The following NUDT21 variants were observed in gnomAD, a reference collection of about 807,000 sequenced individuals.
NUDT21 encodes the protein nudix hydrolase 21, also known as cleavage and polyadenylation specificity factor subunit 5.
A neutral mutation model predicts 29.8 loss-of-function variants in NUDT21; 5 were observed. The ratio of observed to expected loss-of-function variants is 0.17; its 90% CI spans 0.09 to 0.35. NUDT21 has a LOEUF of 0.35. Among genes scored for constraint, NUDT21 ranks in the 10% least tolerant of loss-of-function variants. The probability of loss-of-function intolerance (pLI) is 1.00; values close to 1 mark genes in which losing one functional copy is unlikely to be tolerated. For synonymous variants in NUDT21, 113 were observed against 98.5 expected (o/e 1.15, Z -0.87); for missense variants, 76 against 276.0 (o/e 0.28, Z 5.13).
intron 4 of NUDT21, among the ~76,000 whole-genome samples, chr16:56,435,789 A>C (rs1306183509): frequency 9.0e-6 from 1 of 111,538 alleles, no homozygotes; most frequent in Non-Finnish European, 1.8e-5. Flanking sequence ...ATATATGATC[A>C]GTAAGTTAAA....
chr16:56,444,819 A>G (rs572880375), intron 3 of NUDT21, among the ~76,000 whole-genome samples: 1 of 152,260 alleles, frequency 6.6e-6, no homozygotes, highest in Non-Finnish European at 1.5e-5. Flanking sequence ...GACAATCTAG[A>G]TACACAGGTT....
At chr16:56,436,845 ACCTTAT>A (rs1962109299) in intron 4 of NUDT21, among the ~76,000 whole-genome samples, 1 of 105,462 alleles carries the variant, frequency 9.5e-6, no homozygotes, top group Non-Finnish European at 2.0e-5. Flanking sequence ...CAATACACTT[ACCTTAT>A]GTCAAATACC....
chr16:56,432,885 C>G (rs185213617), intron 6 of NUDT21, 152 bp from the exon 7 acceptor site: 69 of 523,042 alleles, frequency 1.3e-4, no homozygotes, highest in African/African-American at 1.3e-3. Context: ...CCACGTTTGG[C>G]ATTTTCTACA....
chr16:56,437,911 C>A (rs1962122066), intron 4 of NUDT21, among the ~76,000 whole-genome samples: 1 of 151,996 alleles, frequency 6.6e-6, no homozygotes, highest in Non-Finnish European at 1.5e-5. Context: ...TCTACACAAA[C>A]CACACACTTC....
At position 56,432,686 on chromosome 16, in the gene NUDT21, C is replaced by A; in HGVS notation, c.*26G>T. The A allele has an allele frequency of 6.2e-7, 1 of 1,607,208 alleles. No individual in the cohort carries two copies. The highest frequency in any genetic ancestry group is 8.5e-7 in the Non-Finnish European group (1 of 1,176,242). ...CTGTGCTCACAGAGACAAGCGGCTTCTTTTACTTCTCCACTGCGCAGGAAT... is the reference window on the plus strand; with the variant it reads ...CTGTGCTCACAGAGACAAGCGGCTTATTTTACTTCTCCACTGCGCAGGAAT... On this transcript the variant is annotated 3_prime_UTR_variant, in exon 7 of 7. Coordinates refer to ENST00000300291, the MANE Select transcript of NUDT21 (RefSeq NM_007006.3).
At chr16:56,438,677 A>T (rs920627264) in intron 4 of NUDT21, among the ~76,000 whole-genome samples, 3 of 152,190 alleles carry the variant, frequency 2.0e-5, no homozygotes, top group Non-Finnish European at 4.4e-5. Flanking sequence ...TACAATTTCT[A>T]GATCTAACTA....
chr16:56,438,408 C>G (rs1177007379), intron 4 of NUDT21, among the ~76,000 whole-genome samples: 1 of 152,126 alleles, frequency 6.6e-6, no homozygotes, highest in East Asian at 1.9e-4. Flanking sequence ...TCTAACAGCC[C>G]AGATGAAACT....
chr16:56,433,698 CTTTTTT>C (rs1228959913), intron 6 of NUDT21, among the ~76,000 whole-genome samples: 1 of 151,568 alleles, frequency 6.6e-6, no homozygotes, highest in African/African-American at 2.4e-5. Context: ...CCTTTTTTTT[CTTTTTT>C]TTAGATGGAG....
chr16:56,442,610 C>T (rs78988620), intron 3 of NUDT21, among the ~76,000 whole-genome samples: 1,967 of 152,194 alleles, frequency 0.013, 38 homozygotes, highest in African/African-American at 0.043. Flanking sequence ...TGATGATATG[C>T]CTTTGCGTGG....
intron 1 of NUDT21, among the ~76,000 whole-genome samples, chr16:56,448,354 C>T (rs1412765771): frequency 6.6e-6 from 1 of 152,238 alleles, no homozygotes; most frequent in Non-Finnish European, 1.5e-5. Flanking sequence ...CTGCATTCCA[C>T]TGACTACTAA....
At chr16:56,434,132 A>C (rs1242697590) in intron 6 of NUDT21, among the ~76,000 whole-genome samples, 199 bp downstream of exon 6, 1 of 152,222 alleles carries the variant, frequency 6.6e-6, no homozygotes, top group Non-Finnish European at 1.5e-5. Context: ...AAATACCAGA[A>C]TGTCATGCCG....
intron 2 of NUDT21, among the ~76,000 whole-genome samples, chr16:56,447,330 G>C (rs148980674): frequency 6.6e-6 from 1 of 152,194 alleles, no homozygotes; most frequent in African/African-American, 2.4e-5. Context: ...TCTAAGTATT[G>C]GAGACTTTTC....
intron 2 of NUDT21, 192 bp downstream of exon 2, chr16:56,447,597 C>T (rs1962233761): frequency 5.2e-6 from 3 of 575,168 alleles, no homozygotes; most frequent in Admixed American, 6.1e-5. Flanking sequence ...CAGAAACATA[C>T]AGATTACTAG....
chr16:56,448,739 A>T (rs1396677494), intron 1 of NUDT21, among the ~76,000 whole-genome samples: 1 of 152,198 alleles, frequency 6.6e-6, no homozygotes, highest in Non-Finnish European at 1.5e-5. Flanking sequence ...TTCTTTAAAG[A>T]TAGTTAAAAA....
At chr16:56,437,575 C>T (rs959306848) in intron 4 of NUDT21, among the ~76,000 whole-genome samples, 1 of 152,166 alleles carries the variant, frequency 6.6e-6, no homozygotes, top group African/African-American at 2.4e-5. Flanking sequence ...GCACTCAAGA[C>T]TCAACATGGA....
intron 1 of NUDT21, among the ~76,000 whole-genome samples, chr16:56,450,146 T>G (rs1413927440): frequency 6.6e-6 from 1 of 152,154 alleles, no homozygotes; most frequent in Admixed American, 6.5e-5. Flanking sequence ...TCCTTGCACT[T>G]GTACCCTGAC....
At chr16:56,432,793 GATAA>G in intron 6 of NUDT21, 60 bp from the exon 7 acceptor site, 4 of 1,275,312 alleles carry the variant, frequency 3.1e-6, no homozygotes, top group South Asian at 1.3e-5. Flanking sequence ...TTCCATATTA[GATAA>G]ATAAATTTAT....
At chr16:56,448,797 A>G (rs1962247017) in intron 1 of NUDT21, among the ~76,000 whole-genome samples, 1 of 152,228 alleles carries the variant, frequency 6.6e-6, no homozygotes, top group Admixed American at 6.5e-5. Context: ...TTACAGCAAG[A>G]AGCCTTTGAG....
In NUDT21 at chr16:56,432,582, A is replaced by G; in HGVS notation, c.*130T>C. 1.8e-6 allele frequency: 1 copy of G among 565,704 alleles called. No homozygotes were observed. Among genetic ancestry groups the G allele is most frequent in the East Asian group, 2.8e-5 (1 of 35,470 alleles). 35.0% of individuals were successfully genotyped at this position (565,704 alleles called of 1,614,324 possible). ...ATTAATTTTACTATTCAAACAATAG[A>G]AAGGTGGCAATTTAGGGATCGCAAA... On this transcript the variant is annotated 3_prime_UTR_variant, in exon 7 of 7. Coordinates refer to ENST00000300291, the MANE Select transcript of NUDT21 (RefSeq NM_007006.3).
Sources: gnomAD v4.1 joint callset for allele counts (sites outside exome capture counted in the v4.1 genomes callset) on GRCh38, gnomAD v4.1.1 for gene constraint, MANE v1.5 for transcripts, NCBI Gene and HGNC (gene_info 2026-07-23, HGNC 2026-07-21) for gene names.